NYAP2: variants seen among roughly 807,000 people sequenced by gnomAD.
The protein encoded by NYAP2 is neuronal tyrosine-phosphorylated phosphoinositide-3-kinase adapter 2.
NYAP2 carries 23 observed loss-of-function variants against 50.4 expected under a neutral mutation model. That is an observed-to-expected ratio of 0.46 (90% CI 0.33 to 0.65). The LOEUF is 0.65. Ranked by LOEUF, NYAP2 falls within the 30% of genes least tolerant of loss-of-function variation. The pLI, the probability that NYAP2 is intolerant of heterozygous loss-of-function variation, is 0.02. For synonymous variants in NYAP2, 394 were observed against 365.2 expected (o/e 1.08, Z -0.90); for missense variants, 885 against 861.0 (o/e 1.03, Z -0.35).
chr2:225,694,050 T>C, the NYAP2 span, among the ~76,000 whole-genome samples: 1 of 152,098 alleles, frequency 6.6e-6, no homozygotes, highest in Non-Finnish European at 1.5e-5. Flanking sequence ...TGTGTGTTCA[T>C]ATGAATTGAA....
exon 7 of NYAP2, chr2:225,651,651 T>C: frequency 1.4e-6 from 2 of 1,457,492 alleles, no homozygotes; most frequent in Non-Finnish European, 1.9e-6. Flanking sequence ...TTTATTTTTC[T>C]ATGTGTGTAT....
chr2:225,494,193 T>C (rs1204813788), intron 3 of NYAP2, among the ~76,000 whole-genome samples: 2 of 152,222 alleles, frequency 1.3e-5, no homozygotes, highest in African/African-American at 4.8e-5. Context: ...CACTGCCAGT[T>C]CACCTAATGT....
chr2:225,521,392 A>G (rs1415176241), intron 4 of NYAP2, among the ~76,000 whole-genome samples: 1 of 150,322 alleles, frequency 6.7e-6, no homozygotes, highest in Non-Finnish European at 1.5e-5. Flanking sequence ...CCCATTCAGT[A>G]TGATATTGGC....
intron 6 of NYAP2, among the ~76,000 whole-genome samples, chr2:225,628,374 T>A (rs1053624186): frequency 7.0e-6 from 1 of 142,970 alleles, no homozygotes; most frequent in African/African-American, 2.6e-5. Context: ...CAGGCTGGAG[T>A]GCAATGGTGC....
intron 3 of NYAP2, among the ~76,000 whole-genome samples, chr2:225,427,912 C>T (rs144245301): frequency 2.6e-5 from 4 of 152,052 alleles, no homozygotes; most frequent in Non-Finnish European, 2.9e-5. Flanking sequence ...AACAAAAAAC[C>T]TAAAAAACAA....
At chr2:225,441,052 C>A (rs1689462185) in intron 3 of NYAP2, among the ~76,000 whole-genome samples, 1 of 152,130 alleles carries the variant, frequency 6.6e-6, no homozygotes, top group Non-Finnish European at 1.5e-5. Context: ...TTTTCTGATG[C>A]AAATTGTGTC....
chr2:225,567,625 A>T (rs1443333929), intron 4 of NYAP2, among the ~76,000 whole-genome samples: 1 of 151,950 alleles, frequency 6.6e-6, no homozygotes, highest in Non-Finnish European at 1.5e-5. Context: ...AGGGTGGGGC[A>T]AGAAGAAGAA....
At chr2:225,686,020 A>C in the NYAP2 span, among the ~76,000 whole-genome samples, 1 of 152,088 alleles carries the variant, frequency 6.6e-6, no homozygotes, top group Admixed American at 6.6e-5. Flanking sequence ...ACCCGTAATA[A>C]TTTACTTATT....
intron 3 of NYAP2, among the ~76,000 whole-genome samples, chr2:225,430,498 A>T (rs1461811558): frequency 1.3e-5 from 2 of 152,308 alleles, no homozygotes; most frequent in Non-Finnish European, 2.9e-5. Context: ...TGCTTCTGTT[A>T]TGGTGGATGA....
At chr2:225,593,350 T>C (rs532799952) in intron 5 of NYAP2, among the ~76,000 whole-genome samples, 8 of 152,330 alleles carry the variant, frequency 5.3e-5, no homozygotes, top group African/African-American at 1.9e-4. Flanking sequence ...GCTTGGCTTC[T>C]TGTGTGGGGC....
intron 3 of NYAP2, among the ~76,000 whole-genome samples, chr2:225,427,108 A>G (rs1213547536): frequency 1.3e-5 from 2 of 151,826 alleles, no homozygotes; most frequent in African/African-American, 4.8e-5. Context: ...AAGTTTGAAA[A>G]CCTCCTAATG....
chr2:225,524,186 G>T (rs1007261743), intron 4 of NYAP2, among the ~76,000 whole-genome samples: 2 of 152,192 alleles, frequency 1.3e-5, no homozygotes, highest in African/African-American at 2.4e-5. Context: ...AACCTCAAAA[G>T]TAGGGAAGCC....
At chr2:225,689,821 C>A in the NYAP2 span, among the ~76,000 whole-genome samples, 1 of 151,988 alleles carries the variant, frequency 6.6e-6, no homozygotes. Flanking sequence ...GACAGAGGTG[C>A]ATATTATTTC....
chr2:225,434,817 C>A (rs1320333490), intron 3 of NYAP2, among the ~76,000 whole-genome samples: 1 of 152,140 alleles, frequency 6.6e-6, no homozygotes, highest in East Asian at 1.9e-4. Flanking sequence ...TGTGTGTACA[C>A]ACATGTGTAA....
In NYAP2 at chr2:225,588,117, C is replaced by T. The variant is rs78260488; in HGVS notation, c.1618+5082C>T. ...TATTTCATATTTTTAGTAGAGATGG[C>T]GTTTCACCATGTTGGCCAGGCTGAT... On this transcript the variant is annotated intron_variant, in intron 5 of 6. Transcript: ENST00000636099. Among the ~76,000 whole-genome samples, 1,049 of 151,954 alleles carry T rather than the reference C, an allele frequency of 6.9e-3. 9 individuals carry two copies. Among genetic ancestry groups the T allele is most frequent in the African/African-American group, 0.023 (935 of 41,442 alleles).
chr2:225,621,475 A>T (rs921751461), intron 5 of NYAP2, among the ~76,000 whole-genome samples: 1 of 152,104 alleles, frequency 6.6e-6, no homozygotes. Flanking sequence ...GGCCAAAGGG[A>T]GGAGGAAATG....
chr2:225,697,180 C>G, the NYAP2 span, among the ~76,000 whole-genome samples: 1 of 151,924 alleles, frequency 6.6e-6, no homozygotes, highest in African/African-American at 2.4e-5. Context: ...AGAACAGTTA[C>G]TGGTAGACAT....
chr2:225,639,445 T>G (rs112350201), intron 6 of NYAP2, among the ~76,000 whole-genome samples: 1 of 152,186 alleles, frequency 6.6e-6, no homozygotes, highest in Non-Finnish European at 1.5e-5. Context: ...TGTGCATCAG[T>G]GGGCTGGTAT....
At chr2:225,425,953 T>G (rs1453300518) in intron 3 of NYAP2, among the ~76,000 whole-genome samples, 1 of 151,750 alleles carries the variant, frequency 6.6e-6, no homozygotes, top group Admixed American at 6.6e-5. Flanking sequence ...AAGAAAGAAA[T>G]AAATGAAGGG....
Sources: gnomAD v4.1 joint callset for allele counts (sites outside exome capture counted in the v4.1 genomes callset) on GRCh38, gnomAD v4.1.1 for gene constraint, MANE v1.5 for transcripts, NCBI Gene and HGNC (gene_info 2026-07-23, HGNC 2026-07-21) for gene names.